PRDM16: variants seen among roughly 807,000 people sequenced by gnomAD.
PRDM16 encodes PR/SET domain 16.
Under a neutral mutation model 110.6 loss-of-function variants are expected in PRDM16, and 23 were observed. The ratio of observed to expected loss-of-function variants is 0.21; its 90% CI spans 0.15 to 0.29. PRDM16 has a LOEUF of 0.29. PRDM16 is among the 10% of genes least tolerant of loss of function. PRDM16 has a pLI of 1.00. For missense variants in PRDM16, 1,615 were observed against 1,794.3 expected (o/e 0.90, Z 1.81); for synonymous variants, 799 against 781.8 (o/e 1.02, Z -0.37).
At chr1:3,094,319 G>A (rs989977304) in intron 1 of PRDM16, among the ~76,000 whole-genome samples, 8 of 152,244 alleles carry the variant, frequency 5.3e-5, no homozygotes, top group Non-Finnish European at 7.3e-5. Flanking sequence ...GGGCAGCCAC[G>A]GAATTGTCAG....
chr1:3,322,051 G>A (rs557303332), intron 3 of PRDM16, among the ~76,000 whole-genome samples: 29 of 150,990 alleles, frequency 1.9e-4, no homozygotes, highest in Non-Finnish European at 3.2e-4. Flanking sequence ...TTTGGAGGTC[G>A]TGTGTGTGTG....
intron 3 of PRDM16, among the ~76,000 whole-genome samples, chr1:3,332,550 T>C (rs983341831): frequency 6.6e-6 from 1 of 152,044 alleles, no homozygotes; most frequent in African/African-American, 2.4e-5. Context: ...GCTTCAAGGG[T>C]TGATTTTTTT....
chr1:3,432,058 C>T lies in PRDM16; in HGVS notation c.3614C>T (p.Ala1205Val). ...GACCTCCGCAGAGCAGCTGAGGAAG[C>T]ATTTGAAGTTAAAGATGTGCTTAAT... ...GLDLRRAAEEAFEVKDVLNST... is the reference protein window; with the variant it reads ...GLDLRRAAEEVFEVKDVLNST... The change falls in exon 16 of 17, where the codon GCA becomes GTA. Residue 1205 changes from alanine to valine, a missense_variant. By Grantham distance (64) the Ala-to-Val change is moderately conservative. Transcript: ENST00000270722. 1 of 1,614,064 alleles carries T rather than the reference C, an allele frequency of 6.2e-7. No individual in the cohort carries two copies. The highest frequency in any genetic ancestry group is 1.1e-5 in the South Asian group (1 of 91,080).
chr1:3,406,886 GTCA>G (rs1643571826), intron 8 of PRDM16, among the ~76,000 whole-genome samples: 1 of 152,228 alleles, frequency 6.6e-6, no homozygotes, highest in East Asian at 1.9e-4. Flanking sequence ...CTTGTGCCGA[GTCA>G]TCGCTTCCCA....
At position 3,279,579 on chromosome 1, in the gene PRDM16, A is replaced by G. The variant is rs1471348496; in HGVS notation, c.438+35442A>G. Among the ~76,000 whole-genome samples the G allele has an allele frequency of 2.6e-5, 4 of 152,332 alleles. No individual in the cohort carries two copies. In the South Asian group the frequency reaches 8.3e-4, roughly 32 times the overall value. On this transcript the variant is annotated intron_variant, in intron 3 of 16. Transcript: ENST00000270722. ...CTCTCTGTGGATGACAAAAGGAAAG[A>G]CTTGAGCAAGAGGCTCTGAGGAAGG... is the stretch of plus-strand genomic sequence containing the variant.
chr1:3,293,479 G>A (rs944881717), intron 3 of PRDM16, among the ~76,000 whole-genome samples: 8 of 152,204 alleles, frequency 5.3e-5, no homozygotes, highest in East Asian at 3.9e-4. Context: ...ATAGGAAGGC[G>A]CGATGGCCAG....
chr1:3,204,472 C>A (rs1287362641), intron 2 of PRDM16, among the ~76,000 whole-genome samples: 2 of 152,240 alleles, frequency 1.3e-5, no homozygotes, highest in South Asian at 2.1e-4. Flanking sequence ...GAGACACACA[C>A]CCTCCTGGAA....
chr1:3,373,686 C>T (rs1020287553), intron 3 of PRDM16, among the ~76,000 whole-genome samples: 3 of 152,170 alleles, frequency 2.0e-5, no homozygotes, highest in African/African-American at 2.4e-5. Context: ...GCTGGGCAAG[C>T]GGGGCTGGGG....
intron 2 of PRDM16, among the ~76,000 whole-genome samples, chr1:3,242,057 T>C (rs1639686326): frequency 6.6e-6 from 1 of 152,172 alleles, no homozygotes; most frequent in Non-Finnish European, 1.5e-5. Flanking sequence ...ACTTTCCCAC[T>C]GGGAACAGGA....
At chr1:3,211,144 C>A (rs935848822) in intron 2 of PRDM16, among the ~76,000 whole-genome samples, 5 of 152,220 alleles carry the variant, frequency 3.3e-5, no homozygotes, top group African/African-American at 1.2e-4. Context: ...GTTGTCTCCT[C>A]CTTCATTAGA....
At chr1:3,405,018 C>A in intron 7 of PRDM16, 132 bp downstream of exon 7, 1 of 934,906 alleles carries the variant, frequency 1.1e-6, no homozygotes, top group Non-Finnish European at 1.6e-6. Flanking sequence ...GAGGCCCCTG[C>A]GGTGGCTCGG....
intron 3 of PRDM16, among the ~76,000 whole-genome samples, chr1:3,349,395 G>A (rs531337430): frequency 3.3e-5 from 5 of 152,302 alleles, no homozygotes; most frequent in Admixed American, 2.0e-4. Context: ...CTGCTGCCCC[G>A]ATAACCTGGA....
chr1:3,373,448 C>T (rs1011668002), intron 3 of PRDM16, among the ~76,000 whole-genome samples: 1 of 152,200 alleles, frequency 6.6e-6, no homozygotes, highest in Non-Finnish European at 1.5e-5. Flanking sequence ...AGTCCCAGGC[C>T]GTCGTTGCAG....
In PRDM16 at chr1:3,069,523, C is replaced by T. The variant is rs865893139; in HGVS notation, c.37+227C>T. On this transcript the variant is annotated intron_variant, in intron 1 of 16. Coordinates refer to ENST00000270722, the MANE Select transcript of PRDM16 (RefSeq NM_022114.4). The surrounding 1 kb of genome is among the most constrained non-coding windows in gnomAD (Gnocchi z 6.1). ...GCCGCGCGCTCCCCGAAGGCGCCGG[C>T]CCCCTCCCCGCGGAACCCCCTCCCC... is the stretch of plus-strand genomic sequence containing the variant. Among the ~76,000 whole-genome samples the T allele has an allele frequency of 6.8e-6, 1 of 148,142 alleles. No individual in the cohort carries two copies. The highest frequency in any genetic ancestry group is 1.5e-5 in the Non-Finnish European group (1 of 66,440).
At chr1:3,294,816 G>A (rs955602942) in intron 3 of PRDM16, among the ~76,000 whole-genome samples, 10 of 152,198 alleles carry the variant, frequency 6.6e-5, no homozygotes, top group Admixed American at 2.0e-4. Flanking sequence ...TCACGGGCAC[G>A]GCCAATGTTT....
chr1:3,263,701 C>T (rs1362857392), intron 3 of PRDM16, among the ~76,000 whole-genome samples: 1 of 152,228 alleles, frequency 6.6e-6, no homozygotes, highest in East Asian at 1.9e-4. Flanking sequence ...GCCCTCACAG[C>T]CCTGACCACA....
intron 3 of PRDM16, among the ~76,000 whole-genome samples, chr1:3,356,261 C>T (rs946759): frequency 6.6e-6 from 1 of 151,468 alleles, no homozygotes; most frequent in African/African-American, 2.4e-5. Context: ...TGTTCCAAAG[C>T]CCCCCCCAGC....
chr1:3,127,291 G>A (rs948340979), intron 1 of PRDM16, among the ~76,000 whole-genome samples: 8 of 152,306 alleles, frequency 5.3e-5, no homozygotes, highest in Admixed American at 1.3e-4. Flanking sequence ...GCATAACGGC[G>A]GTGCGCAGGC....
At chr1:3,428,139 G>GC (rs1452644517) in intron 14 of PRDM16, among the ~76,000 whole-genome samples, 1 of 151,852 alleles carries the variant, frequency 6.6e-6, no homozygotes, top group African/African-American at 2.4e-5. Flanking sequence ...GGACAGCAAG[G>GC]CCCCCCTACC....
Sources: allele counts gnomAD v4.1 joint callset (sites outside exome capture counted in the v4.1 genomes callset), GRCh38; gene constraint gnomAD v4.1.1; non-coding constraint Gnocchi (gnomAD v3.1); transcripts MANE v1.5; gene names NCBI Gene and HGNC (gene_info 2026-07-23, HGNC 2026-07-21).